The following FAM107B variants were observed in gnomAD, a reference collection of about 807,000 sequenced individuals.
FAM107B encodes protein FAM107B.
In FAM107B, 21 loss-of-function variants were observed where a neutral mutation model predicts 31.5. The observed-to-expected ratio is 0.67, with a 90% confidence interval of 0.47 to 0.96. The LOEUF (loss-of-function observed/expected upper bound fraction) is 0.96, where lower values mean the gene tolerates loss of function less well. Ranked by LOEUF, FAM107B falls within the 40% of genes least tolerant of loss-of-function variation. FAM107B has a pLI of 0.00. For synonymous variants in FAM107B, 157 were observed against 141.5 expected, an observed-to-expected ratio of 1.11 and a Z score of -0.78; for missense variants, 452 against 377.1, an observed-to-expected ratio of 1.20 and a Z score of -1.64.
rs1845421814 is a variant in FAM107B at position 14,519,384 on chromosome 10, C to T, written c.*1806G>A. The T allele has an allele frequency of 6.6e-6, 1 of 152,096 alleles. No individual in the cohort carries two copies. Among genetic ancestry groups the T allele is most frequent in the Admixed American group, 6.5e-5 (1 of 15,274 alleles). 9.4% of individuals were successfully genotyped at this position (152,096 alleles called of 1,614,324 possible). A position where few individuals can be genotyped will look rare whatever the true frequency, so the allele number is the denominator to read the frequency against. On this transcript the variant is annotated 3_prime_UTR_variant, in exon 5 of 5. Coordinates refer to ENST00000181796, the MANE Select transcript of FAM107B (RefSeq NM_031453.4). ...AGTCCACAGACACAAAGAAAGAATT[C>T]CAGTCAACGTGCAATCAGAAATGGG... is the stretch of plus-strand genomic sequence containing the variant.
intron 2 of FAM107B, among the ~76,000 whole-genome samples, chr10:14,625,271 T>G (rs1853129137): frequency 6.7e-6 from 1 of 149,832 alleles, no homozygotes; most frequent in Non-Finnish European, 1.5e-5. Context: ...TGTGTGTGTG[T>G]GTGTGTGTAT....
At chr10:14,738,938 G>C (rs750347618) in intron 1 of FAM107B, among the ~76,000 whole-genome samples, 1 of 152,184 alleles carries the variant, frequency 6.6e-6, no homozygotes, top group Non-Finnish European at 1.5e-5. Flanking sequence ...GACTCAGCTG[G>C]GCTGTCTGAC....
At chr10:14,650,076 G>A (rs560261825) in intron 2 of FAM107B, among the ~76,000 whole-genome samples, 6 of 152,282 alleles carry the variant, frequency 3.9e-5, no homozygotes, top group South Asian at 4.1e-4. Flanking sequence ...GAGGAAGGAC[G>A]TGCTCCCTGG....
Position 14,519,142 on chromosome 10 carries a change from A to G in FAM107B, c.*2048T>C, listed in dbSNP as rs1303687128. ...AGATTTGAGTGAGATTAGGAAAGAA[A>G]TGCTTTCTTAAGTAACTTTTTTTTT... On this transcript the variant is annotated 3_prime_UTR_variant, in exon 5 of 5. Transcript: ENST00000181796. 1 of 152,178 alleles carries G rather than the reference A, an allele frequency of 6.6e-6. No homozygotes were observed. The highest frequency in any genetic ancestry group is 2.4e-5 in the African/African-American group (1 of 41,450). 9.4% of individuals were successfully genotyped at this position (152,178 alleles called of 1,614,324 possible).
chr10:14,702,866 C>T (rs1223556689), intron 1 of FAM107B, among the ~76,000 whole-genome samples: 2 of 152,022 alleles, frequency 1.3e-5, no homozygotes, highest in Non-Finnish European at 2.9e-5. Context: ...CCAGACAGAC[C>T]CACCAAGAAT....
intron 2 of FAM107B, among the ~76,000 whole-genome samples, chr10:14,642,641 G>A (rs888479263): frequency 6.6e-6 from 1 of 152,042 alleles, no homozygotes; most frequent in Non-Finnish European, 1.5e-5. Flanking sequence ...GATAGATGAA[G>A]TATTTTCCAA....
chr10:14,672,180 C>G (rs1241541825), intron 1 of FAM107B, among the ~76,000 whole-genome samples: 1 of 151,688 alleles, frequency 6.6e-6, no homozygotes, highest in Admixed American at 6.6e-5. Flanking sequence ...CCTCCACCTT[C>G]CAGGTTCAAG....
intron 1 of FAM107B, among the ~76,000 whole-genome samples, chr10:14,714,503 C>G (rs372184419): frequency 5.8e-4 from 88 of 152,308 alleles, no homozygotes; most frequent in African/African-American, 2.1e-3. Flanking sequence ...CTCAAAAGGC[C>G]CTAAGATGCT....
chr10:14,706,580 T>A (rs1200950764), intron 1 of FAM107B, among the ~76,000 whole-genome samples: 2 of 152,198 alleles, frequency 1.3e-5, no homozygotes, highest in African/African-American at 2.4e-5. Flanking sequence ...CTATTGCATA[T>A]GCACTTGACC....
intron 3 of FAM107B, 122 bp from the exon 4 acceptor site, chr10:14,522,141 A>C (rs1056459614): frequency 7.9e-7 from 1 of 1,266,446 alleles, no homozygotes; most frequent in Non-Finnish European, 1.1e-6. Context: ...TATGATACCT[A>C]CTAGGCTACA....
At chr10:14,701,636 A>G (rs559319236) in intron 1 of FAM107B, among the ~76,000 whole-genome samples, 1 of 152,320 alleles carries the variant, frequency 6.6e-6, no homozygotes, top group East Asian at 1.9e-4. Context: ...GGAATGCCAA[A>G]GTCATCTCCC....
At chr10:14,712,947 C>G (rs1386065582) in intron 1 of FAM107B, among the ~76,000 whole-genome samples, 4 of 152,194 alleles carry the variant, frequency 2.6e-5, no homozygotes, top group African/African-American at 9.6e-5. Flanking sequence ...TTTTTGGTTC[C>G]TTCCTGGACC....
chr10:14,631,166 T>G (rs1358908530), intron 2 of FAM107B, among the ~76,000 whole-genome samples: 1 of 152,166 alleles, frequency 6.6e-6, no homozygotes, highest in African/African-American at 2.4e-5. Flanking sequence ...CACATCTTTT[T>G]TCTCACAGAT....
intron 2 of FAM107B, among the ~76,000 whole-genome samples, chr10:14,585,958 G>A (rs1409389): frequency 0.048 from 7,324 of 152,182 alleles, 255 homozygotes; most frequent in Non-Finnish European, 0.074. Flanking sequence ...TGCATACAAG[G>A]CACCCTCAGG....
At chr10:14,683,934 A>T (rs1854911658) in intron 1 of FAM107B, among the ~76,000 whole-genome samples, 1 of 152,218 alleles carries the variant, frequency 6.6e-6, no homozygotes, top group Admixed American at 6.5e-5. Context: ...AGTTAAAGAG[A>T]GAAGCGTGTC....
At position 14,629,393 on chromosome 10, in the gene FAM107B, T is replaced by TATATATAAC. The variant is rs1564606716; in HGVS notation, c.469+38240_469+38241insGTTATATAT. On this transcript the variant is annotated intron_variant, in intron 2 of 4. Coordinates refer to ENST00000181796, the MANE Select transcript of FAM107B (RefSeq NM_031453.4). The stretch of plus-strand genomic sequence containing the variant: ...TATTTAATATATATAATATATATAA[T>TATATATAAC]ATATATTATATATTTAATATATATA... 4.0e-3 allele frequency among the ~76,000 whole-genome samples: 109 copies of TATATATAAC among 26,964 alleles called. 5 individuals are homozygous for TATATATAAC. The highest frequency in any genetic ancestry group is 8.7e-3 in the African/African-American group (59 of 6,796). 17.7% of individuals were successfully genotyped at this position (26,964 alleles called of 152,430 possible).
At chr10:14,768,775 T>C (rs560567476) in intron 1 of FAM107B, among the ~76,000 whole-genome samples, 1 of 152,328 alleles carries the variant, frequency 6.6e-6, no homozygotes, top group African/African-American at 2.4e-5. Context: ...TACTGGTGAT[T>C]TTCCAATGGG....
intron 2 of FAM107B, among the ~76,000 whole-genome samples, chr10:14,573,291 G>A (rs1282292555): frequency 6.6e-6 from 1 of 152,180 alleles, no homozygotes; most frequent in Non-Finnish European, 1.5e-5. Context: ...TGCTGTTAAT[G>A]TGGAAGTGGG....
chr10:14,627,189 T>C (rs534172600), intron 2 of FAM107B, among the ~76,000 whole-genome samples: 2 of 152,214 alleles, frequency 1.3e-5, no homozygotes, highest in African/African-American at 4.8e-5. Flanking sequence ...ATTGTGGTCA[T>C]AAGATTAAAA....
Sources: allele counts gnomAD v4.1 joint callset (sites outside exome capture counted in the v4.1 genomes callset), GRCh38; gene constraint gnomAD v4.1.1; transcripts MANE v1.5; gene names NCBI Gene and HGNC (gene_info 2026-07-23, HGNC 2026-07-21).